GRIA4: variants seen among roughly 807,000 people sequenced by gnomAD.
GRIA4 encodes the protein glutamate receptor 4.
In GRIA4, 34 loss-of-function variants were observed where a neutral mutation model predicts 104.0. The ratio of observed to expected loss-of-function variants is 0.33; its 90% confidence interval spans 0.25 to 0.44. The LOEUF is 0.44. Ranked by LOEUF, GRIA4 falls within the 20% of genes least tolerant of loss-of-function variation. The pLI, the probability that GRIA4 is intolerant of heterozygous loss-of-function variation, is 1.00. For missense variants in GRIA4, 750 were observed against 1,096.5 expected, an observed-to-expected ratio of 0.68 and a Z score of 4.46; for synonymous variants, 386 against 381.9, an observed-to-expected ratio of 1.01 and a Z score of -0.13.
At chr11:105,612,226 A>C in intron 2 of GRIA4, 50 bp from the exon 3 acceptor site, 1 of 1,573,786 alleles carries the variant, frequency 6.4e-7, no homozygotes, top group Non-Finnish European at 8.7e-7. Context: ...GGTGGGTATA[A>C]TGTTGACAAG....
At chr11:105,872,724 A>C (rs1015671794) in intron 5 of GRIA4, among the ~76,000 whole-genome samples, 2 of 152,076 alleles carry the variant, frequency 1.3e-5, no homozygotes, top group African/African-American at 4.8e-5. Flanking sequence ...AAGAAATTAG[A>C]TATTTGACTT....
chr11:105,906,641 T>G (rs1947050579), intron 9 of GRIA4, among the ~76,000 whole-genome samples: 1 of 152,190 alleles, frequency 6.6e-6, no homozygotes, highest in Admixed American at 6.5e-5. Context: ...ATAGCCCTCG[T>G]GCAGGCTGCC....
chr11:105,976,264 A>G (rs1227250615), intron 16 of GRIA4, among the ~76,000 whole-genome samples: 1 of 152,106 alleles, frequency 6.6e-6, no homozygotes, highest in Non-Finnish European at 1.5e-5. Context: ...AAGGGTGGGG[A>G]AGCAAAGCAA....
chr11:105,654,432 A>C (rs1951782208), intron 3 of GRIA4, among the ~76,000 whole-genome samples: 1 of 152,166 alleles, frequency 6.6e-6, no homozygotes, highest in Non-Finnish European at 1.5e-5. Flanking sequence ...AATTTAAAAA[A>C]TAATAACTTA....
In GRIA4 at chr11:105,893,025, C is replaced by T. The variant is rs1273748211; in HGVS notation, c.727-5244C>T. 2.0e-5 allele frequency among the ~76,000 whole-genome samples: 3 copies of T among 152,108 alleles called. No homozygotes were observed. The East Asian group carries it at 5.8e-4, about 29-fold the overall frequency. On this transcript the variant is annotated intron_variant, in intron 6 of 16. Coordinates refer to ENST00000282499, the MANE Select transcript of GRIA4 (RefSeq NM_000829.4). Reference sequence around the variant, plus strand: ...GATATCTGATACCTATAATTTTAAACATTTTATTTTCCCCCAAAAGATGTA... The same window carrying T: ...GATATCTGATACCTATAATTTTAAATATTTTATTTTCCCCCAAAAGATGTA...
intron 4 of GRIA4, among the ~76,000 whole-genome samples, chr11:105,844,332 T>C (rs1944503840): frequency 6.6e-6 from 1 of 152,230 alleles, no homozygotes; most frequent in African/African-American, 2.4e-5. Context: ...TTATTAAATA[T>C]GCCAAATGGT....
chr11:105,806,675 G>A (rs943068703), intron 4 of GRIA4, among the ~76,000 whole-genome samples: 3 of 151,682 alleles, frequency 2.0e-5, no homozygotes, highest in South Asian at 4.2e-4. Context: ...ATGGTACCCA[G>A]GTCTTCTAGT....
At chr11:105,623,411 A>T (rs1655708738) in intron 3 of GRIA4, among the ~76,000 whole-genome samples, 2 of 151,954 alleles carry the variant, frequency 1.3e-5, no homozygotes. Context: ...TGAATTTATA[A>T]ATCAGAGACT....
chr11:105,676,106 G>T (rs1056999535), intron 3 of GRIA4, among the ~76,000 whole-genome samples: 1 of 151,666 alleles, frequency 6.6e-6, no homozygotes, highest in Non-Finnish European at 1.5e-5. Context: ...AATAGAGAAT[G>T]TTATTTTTTA....
At chr11:105,691,935 C>CA (rs202074069) in intron 3 of GRIA4, among the ~76,000 whole-genome samples, 1,557 of 76,180 alleles carry the variant, frequency 0.02, 54 homozygotes, top group African/African-American at 0.036. Flanking sequence ...AACTCCGTCT[C>CA]AAAAAAAAAA....
chr11:105,709,639 A>C (rs771765437), intron 3 of GRIA4, among the ~76,000 whole-genome samples: 20 of 152,168 alleles, frequency 1.3e-4, no homozygotes, highest in Non-Finnish European at 2.2e-4. Context: ...AGAAGGGTAC[A>C]GCATCACTTC....
chr11:105,965,261 C>T (rs1453459313), intron 14 of GRIA4, among the ~76,000 whole-genome samples: 2 of 150,210 alleles, frequency 1.3e-5, no homozygotes, highest in Non-Finnish European at 3.0e-5. Context: ...TTACTTAAAC[C>T]GTCAAATTGG....
chr11:105,884,626 C>A (rs1376908751), intron 5 of GRIA4, among the ~76,000 whole-genome samples: 1 of 152,152 alleles, frequency 6.6e-6, no homozygotes, highest in Non-Finnish European at 1.5e-5. Context: ...ATCTCCAGAT[C>A]CCTGCTCCCC....
intron 3 of GRIA4, among the ~76,000 whole-genome samples, chr11:105,710,664 A>G (rs1382814547): frequency 1.3e-5 from 2 of 152,158 alleles, no homozygotes; most frequent in Admixed American, 6.6e-5. Flanking sequence ...TTCAAATTTC[A>G]GTGCTGCCAC....
intron 3 of GRIA4, among the ~76,000 whole-genome samples, chr11:105,669,675 A>G (rs554641675): frequency 6.6e-6 from 1 of 152,114 alleles, no homozygotes; most frequent in South Asian, 2.1e-4. Context: ...GACTTTACAC[A>G]TATGTATAAA....
At chr11:105,621,592 A>T (rs1950746548) in intron 3 of GRIA4, among the ~76,000 whole-genome samples, 1 of 151,684 alleles carries the variant, frequency 6.6e-6, no homozygotes, top group Non-Finnish European at 1.5e-5. Context: ...CCATTGCATG[A>T]AGTTTCTATG....
In GRIA4 at chr11:105,964,105, AT is replaced by A. The variant is rs201787494; in HGVS notation, c.2295-7804del. 1.7e-3 allele frequency among the ~76,000 whole-genome samples: 265 copies of A among 152,238 alleles called. 4 individuals carry two copies. The East Asian group carries it at 0.022, about 13-fold the overall frequency. ...AAACAATTCCTTTTTTCCCAGCAGA[AT>A]TTTTAAAAAAATAGATGTCTCTATC... On this transcript the variant is annotated intron_variant, in intron 14 of 16. Coordinates refer to ENST00000282499, the MANE Select transcript of GRIA4 (RefSeq NM_000829.4).
intron 16 of GRIA4, chr11:105,974,977 G>A: frequency 6.0e-6 from 1 of 166,326 alleles, no homozygotes; most frequent in South Asian, 1.4e-4. Context: ...GCCTATTTTT[G>A]ACAAAGTCAT....
At chr11:105,976,064 T>A (rs891998785) in intron 16 of GRIA4, among the ~76,000 whole-genome samples, 1 of 152,092 alleles carries the variant, frequency 6.6e-6, no homozygotes, top group Non-Finnish European at 1.5e-5. Context: ...ATCTTAATGT[T>A]TACAGAGTTG....
Sources: gnomAD v4.1 joint callset for allele counts (sites outside exome capture counted in the v4.1 genomes callset) on GRCh38, gnomAD v4.1.1 for gene constraint, MANE v1.5 for transcripts, NCBI Gene and HGNC (gene_info 2026-07-23, HGNC 2026-07-21) for gene names.